Variants in MTHFD1L observed in about 807,000 individuals in gnomAD.
MTHFD1L encodes methylenetetrahydrofolate dehydrogenase (NADP+ dependent) 1 like.
In MTHFD1L, 81 loss-of-function variants were observed where a neutral mutation model predicts 119.5. That is an observed-to-expected ratio of 0.68 (90% CI 0.57 to 0.82). MTHFD1L has a LOEUF of 0.82. MTHFD1L is among the 40% of genes least tolerant of loss of function. The probability of loss-of-function intolerance (pLI) is 0.00; values close to 1 mark genes in which losing one functional copy is unlikely to be tolerated. For missense variants in MTHFD1L, 1,125 were observed against 1,253.4 expected (o/e 0.90, Z 1.55); for synonymous variants, 430 against 475.2 (o/e 0.90, Z 1.24).
chr6:151,064,470 C>T (rs546048346), intron 26 of MTHFD1L, among the ~76,000 whole-genome samples: 82 of 152,148 alleles, frequency 5.4e-4, no homozygotes, highest in African/African-American at 1.8e-3. Flanking sequence ...CCTGCCACTG[C>T]ATCCGGCTAA....
rs1482905072 is a variant in MTHFD1L at position 151,039,028 on chromosome 6, T to C, written c.2847+1911T>C. On this transcript the variant is annotated intron_variant, in intron 26 of 27. Transcript: ENST00000367321. The surrounding 1 kb of genome is among the most constrained non-coding windows in gnomAD (Gnocchi z 4.4). ...AGGCAGGAAGGTCACCCTGGTGGGT[T>C]TAAGGATATGGGTGAAGGCAGTCGT... Among the ~76,000 whole-genome samples the C allele has an allele frequency of 2.0e-5, 3 of 151,976 alleles. No homozygotes were observed. Among genetic ancestry groups the C allele is most frequent in the Admixed American group, 6.6e-5 (1 of 15,264 alleles).
intron 26 of MTHFD1L, among the ~76,000 whole-genome samples, chr6:151,049,274 G>A (rs1386913267): frequency 1.3e-5 from 2 of 152,154 alleles, no homozygotes; most frequent in African/African-American, 2.4e-5. Flanking sequence ...GGCAGATCAC[G>A]AGGTCAGGAG....
At chr6:150,940,775 T>C (rs1792959167) in intron 13 of MTHFD1L, among the ~76,000 whole-genome samples, 1 of 152,108 alleles carries the variant, frequency 6.6e-6, no homozygotes, top group Admixed American at 6.6e-5. Flanking sequence ...AGATGGGGTT[T>C]CACCATGTTG....
intron 14 of MTHFD1L, 109 bp from the exon 15 acceptor site, chr6:150,945,358 C>T: frequency 1.2e-6 from 1 of 802,344 alleles, no homozygotes; most frequent in Non-Finnish European, 2.0e-6. Context: ...GGTCTTTTAT[C>T]TAAATAGTTC....
chr6:150,872,822 C>G (rs1779756179), intron 1 of MTHFD1L, among the ~76,000 whole-genome samples: 1 of 151,668 alleles, frequency 6.6e-6, no homozygotes. Flanking sequence ...CATCCACCCC[C>G]CAACTTTTTT....
At chr6:150,884,310 T>G (rs1440750775) in intron 5 of MTHFD1L, among the ~76,000 whole-genome samples, 1 of 151,812 alleles carries the variant, frequency 6.6e-6, no homozygotes, top group Non-Finnish European at 1.5e-5. Context: ...CCTGGCTAAT[T>G]TTTGTACTTT....
At chr6:150,904,862 G>A (rs1001494093) in intron 7 of MTHFD1L, among the ~76,000 whole-genome samples, 1 of 152,012 alleles carries the variant, frequency 6.6e-6, no homozygotes, top group African/African-American at 2.4e-5. Flanking sequence ...ATGAATGGTT[G>A]GACAAGAGAC....
chr6:150,905,808 T>G (rs962121989), intron 8 of MTHFD1L, 47 bp downstream of exon 8: 6 of 1,383,958 alleles, frequency 4.3e-6, no homozygotes, highest in Non-Finnish European at 6.2e-6. Flanking sequence ...GGTCAGATAG[T>G]TCAAAGAAAT....
chr6:151,045,361 C>T (rs115272918), intron 26 of MTHFD1L, among the ~76,000 whole-genome samples: 1,712 of 152,278 alleles, frequency 0.011, 21 homozygotes, highest in African/African-American at 0.037. Context: ...CCAGGACCTC[C>T]GCAGGGAGCA....
chr6:150,905,537 C>T (rs1785763468), intron 7 of MTHFD1L, 113 bp from the exon 8 acceptor site: 23 of 745,464 alleles, frequency 3.1e-5, no homozygotes, highest in Non-Finnish European at 5.0e-5. Flanking sequence ...TTGTCAGCAG[C>T]TTGGAACAAA....
chr6:150,960,158 T>G, intron 17 of MTHFD1L, 117 bp from the exon 18 acceptor site: 2 of 1,347,706 alleles, frequency 1.5e-6, no homozygotes, highest in Non-Finnish European at 2.0e-6. Context: ...TGCATGGCCT[T>G]TTGAGGGTAG....
At chr6:151,009,793 C>T in intron 20 of MTHFD1L, 26 bp from the exon 21 acceptor site, 2 of 1,612,774 alleles carry the variant, frequency 1.2e-6, no homozygotes, top group Non-Finnish European at 8.5e-7. Flanking sequence ...AAGATAATAG[C>T]ACATATTCCA....
intron 26 of MTHFD1L, among the ~76,000 whole-genome samples, chr6:151,063,332 GTCTC>G (rs995479986): frequency 6.6e-6 from 1 of 152,088 alleles, no homozygotes; most frequent in Non-Finnish European, 1.5e-5. Flanking sequence ...CATTTGTGTA[GTCTC>G]TCTCTCTATA....
chr6:150,901,442 C>T (rs1454315358), intron 7 of MTHFD1L, among the ~76,000 whole-genome samples: 1 of 152,244 alleles, frequency 6.6e-6, no homozygotes, highest in African/African-American at 2.4e-5. Flanking sequence ...AGTGCCACTG[C>T]ATTCCAGCCT....
At chr6:150,919,449 T>C (rs1364279926) in intron 9 of MTHFD1L, among the ~76,000 whole-genome samples, 1 of 152,048 alleles carries the variant, frequency 6.6e-6, no homozygotes, top group Admixed American at 6.5e-5. Context: ...GGTCTCAAAC[T>C]CCTGGCCTCA....
At chr6:150,935,386 C>T in intron 11 of MTHFD1L, 3 of 1,613,914 alleles carry the variant, frequency 1.9e-6, no homozygotes, top group East Asian at 4.5e-5. Flanking sequence ...ACTTGAGGAA[C>T]TCATTGTCTC....
chr6:150,978,231 A>G (rs112947095), intron 20 of MTHFD1L, among the ~76,000 whole-genome samples: 3,034 of 151,962 alleles, frequency 0.02, 110 homozygotes, highest in African/African-American at 0.07. Flanking sequence ...AAATTACACA[A>G]TTCTTGGATT....
At chr6:150,948,294 A>G (rs528657135) in intron 15 of MTHFD1L, among the ~76,000 whole-genome samples, 6 of 152,010 alleles carry the variant, frequency 3.9e-5, no homozygotes, top group Non-Finnish European at 7.4e-5. Flanking sequence ...GGCGTGAGCC[A>G]CCACGCCCAG....
rs532252795 is a variant in MTHFD1L, at chr6:151,058,321, G to A, written c.2847+21204G>A. Among the ~76,000 whole-genome samples, 7 of 152,326 alleles carry A rather than the reference G, an allele frequency of 4.6e-5. No individual in the cohort carries two copies. In the South Asian group the frequency reaches 1.5e-3, roughly 32 times the overall value. ...CCGTGCCGGGGCTCTGAGTGGAGGA[G>A]GTGGCGTGGGAGCACTGATGCTCGG... is the stretch of plus-strand genomic sequence containing the variant. On this transcript the variant is annotated intron_variant, in intron 26 of 27. Transcript: ENST00000367321.
Sources: allele counts gnomAD v4.1 joint callset (sites outside exome capture counted in the v4.1 genomes callset), GRCh38; gene constraint gnomAD v4.1.1; non-coding constraint Gnocchi (gnomAD v3.1); transcripts MANE v1.5; gene names NCBI Gene and HGNC (gene_info 2026-07-23, HGNC 2026-07-21).